AK9: variants seen among roughly 807,000 people sequenced by gnomAD.
The protein encoded by AK9 is adenylate kinase domain containing 1.
A neutral mutation model predicts 239.6 loss-of-function variants in AK9; 191 were observed. The ratio of observed to expected loss-of-function variants is 0.80; its 90% confidence interval spans 0.71 to 0.90. The LOEUF (loss-of-function observed/expected upper bound fraction) is 0.90, where lower values mean the gene tolerates loss of function less well. Among genes scored for constraint, AK9 ranks in the 40% least tolerant of loss-of-function variants. The pLI is 0.00. For missense variants in AK9, 1,995 were observed against 2,214.7 expected, an observed-to-expected ratio of 0.90 and a Z score of 1.99; for synonymous variants, 689 against 721.0, an observed-to-expected ratio of 0.96 and a Z score of 0.71.
Position 109,579,585 on chromosome 6 carries a change from C to A in AK9, c.2156G>T (p.Arg719Leu), listed in dbSNP as rs552477090. ...CACTTTCATAAGTTCCAGTAGCCTTCGATTTTCTTCTTCGAGTCTCAATTC... is the reference window on the plus strand; with the variant it reads ...CACTTTCATAAGTTCCAGTAGCCTTAGATTTTCTTCTTCGAGTCTCAATTC... ...EEELRLEEEN[R>L]RLLELMKVKA... The change falls in exon 20 of 41, where the codon CGA becomes CTA. Residue 719 changes from arginine (R) to leucine (L), a missense_variant. By Grantham distance (102) the Arg-to-Leu change is moderately radical. Around this residue, in one of 5 missense-constraint regions of AK9, gnomAD observed 1,290 missense variants for 1,392.7 expected, o/e 0.93. Coordinates refer to ENST00000424296, the MANE Select transcript of AK9 (RefSeq NM_001145128.3). 211 of 1,551,322 alleles carry A rather than the reference C, an allele frequency of 1.4e-4. 2 individuals carry two copies. In the South Asian group the frequency reaches 2.4e-3, roughly 18 times the overall value.
chr6:109,542,231 T>C lies in AK9; in HGVS notation c.3226-60A>G, dbSNP rs1782991529. 2.0e-5 allele frequency: 29 copies of C among 1,454,284 alleles called. No individual in the cohort carries two copies. In the South Asian group the frequency reaches 3.9e-4, roughly 19 times the overall value. 90.1% of individuals were successfully genotyped at this position (1,454,284 alleles called of 1,614,324 possible). On this transcript the variant is annotated intron_variant, in intron 26 of 40. Coordinates refer to ENST00000424296, the MANE Select transcript of AK9 (RefSeq NM_001145128.3). ...AAAACTCTATGCTAATAATTGCATGTTCTCACTCATATGTGAAAGTTAAAG... is the reference window on the plus strand; with the variant it reads ...AAAACTCTATGCTAATAATTGCATGCTCTCACTCATATGTGAAAGTTAAAG...
chr6:109,672,234 T>A (rs1771024700), intron 3 of AK9, 67 bp from the exon 4 acceptor site: 1 of 1,318,936 alleles, frequency 7.6e-7, no homozygotes, highest in Admixed American at 1.9e-5. Context: ...AAACACATTC[T>A]AGTGTCTTGT....
chr6:109,580,807 C>G (rs1320908384), intron 19 of AK9, among the ~76,000 whole-genome samples: 3 of 152,220 alleles, frequency 2.0e-5, no homozygotes, highest in Non-Finnish European at 4.4e-5. Flanking sequence ...TGTTTCTGAA[C>G]TCCTTTCCCA....
chr6:109,648,530 G>A (rs1242907900), intron 8 of AK9, among the ~76,000 whole-genome samples: 3 of 152,068 alleles, frequency 2.0e-5, no homozygotes, highest in Non-Finnish European at 4.4e-5. Context: ...ACCCTCCCAA[G>A]ACTAAACCAG....
rs1224110961 is a variant in AK9 at position 109,622,591 on chromosome 6, TA to T, written c.1255-3356del. 3.7e-4 allele frequency among the ~76,000 whole-genome samples: 55 copies of T among 146,732 alleles called. 1 individual carries two copies. The highest frequency in any genetic ancestry group is 1.3e-3 in the African/African-American group (53 of 40,392). ...TTAATATAATATATGCATAGTATGC[TA>T]TATATGTATATATGTGTATTATAGA... On this transcript the variant is annotated intron_variant, in intron 12 of 40. Transcript: ENST00000424296.
chr6:109,526,288 C>T (rs1780509785), intron 29 of AK9, among the ~76,000 whole-genome samples: 2 of 150,920 alleles, frequency 1.3e-5, no homozygotes, highest in South Asian at 4.2e-4. Context: ...ACCTAAAATA[C>T]AAATTGAAAA....
intron 17 of AK9, 119 bp from the exon 18 acceptor site, chr6:109,586,191 A>T (rs776482181): frequency 1.1e-5 from 10 of 896,010 alleles, no homozygotes; most frequent in Non-Finnish European, 1.6e-5. Flanking sequence ...TTCAAAAGGA[A>T]AAAAAAGGGT....
chr6:109,538,356 G>T (rs1310810075), intron 27 of AK9, among the ~76,000 whole-genome samples: 1 of 152,192 alleles, frequency 6.6e-6, no homozygotes, highest in Non-Finnish European at 1.5e-5. Flanking sequence ...TTACCATTAT[G>T]TAATGGCCTT....
intron 37 of AK9, 51 bp from the exon 38 acceptor site, chr6:109,497,614 G>T: frequency 1.5e-6 from 2 of 1,373,530 alleles, no homozygotes; most frequent in Non-Finnish European, 2.0e-6. Flanking sequence ...TTAATATGCA[G>T]TCCTGTGTAA....
chr6:109,648,339 G>A (rs189664353), intron 8 of AK9, among the ~76,000 whole-genome samples: 12 of 151,968 alleles, frequency 7.9e-5, no homozygotes, highest in Admixed American at 4.6e-4. Context: ...TTGATAGAAC[G>A]CTAGCAAGAC....
chr6:109,627,133 C>CTTTTTTTTTTTT (rs71018357), intron 12 of AK9, among the ~76,000 whole-genome samples: 2 of 67,308 alleles, frequency 3.0e-5, no homozygotes, highest in Non-Finnish European at 2.7e-5. Context: ...GATGTTTAAG[C>CTTTTTTTTTTTT]TTTTTTTTTT....
chr6:109,599,743 T>C (rs1268900308), intron 17 of AK9, among the ~76,000 whole-genome samples: 1 of 152,230 alleles, frequency 6.6e-6, no homozygotes, highest in Non-Finnish European at 1.5e-5. Context: ...TATCCCCTTT[T>C]ATTTCCTTGA....
chr6:109,658,155 T>C (rs1799952065), intron 7 of AK9, among the ~76,000 whole-genome samples: 1 of 152,210 alleles, frequency 6.6e-6, no homozygotes, highest in African/African-American at 2.4e-5. Context: ...ATATGGCTAA[T>C]ATTTTCCCTT....
intron 13 of AK9, among the ~76,000 whole-genome samples, chr6:109,618,013 A>G (rs984206261): frequency 1.1e-4 from 16 of 152,226 alleles, no homozygotes; most frequent in African/African-American, 3.9e-4. Context: ...CAATGCAGTT[A>G]GCATAGCTCC....
chr6:109,641,678 C>T, intron 9 of AK9, 62 bp from the exon 10 acceptor site: 1 of 1,423,890 alleles, frequency 7.0e-7, no homozygotes, highest in Non-Finnish European at 9.8e-7. Flanking sequence ...TACTCTGAAA[C>T]AGTGGTGGGC....
chr6:109,495,523 G>T, intron 38 of AK9, 83 bp from the exon 39 acceptor site: 1 of 994,442 alleles, frequency 1.0e-6, no homozygotes, highest in Middle Eastern at 2.2e-4. Flanking sequence ...ACTATTAGAA[G>T]ATAAAGTTCA....
At chr6:109,596,307 A>T (rs1791023514) in intron 17 of AK9, among the ~76,000 whole-genome samples, 1 of 152,220 alleles carries the variant, frequency 6.6e-6, no homozygotes, top group South Asian at 2.1e-4. Context: ...GGCAGGCACC[A>T]GCACCAGCTC....
In AK9 at chr6:109,497,961, A is replaced by G. The variant is rs1777241474; in HGVS notation, c.5051T>C (p.Phe1684Ser). Residue 1684 changes from phenylalanine (F) to serine (S), a missense_variant, in exon 37 of 41, where the codon TTC (phenylalanine) becomes TCC (serine). Phe to Ser is a radical substitution (Grantham distance 155). Transcript: ENST00000424296. ...KMSSQEKLNK[F>S]LENPELYVPP... ...CACGTACAATTCTGGGTTCTCCAAG[A>G]ATTTCTATTAAAAAAGAATTCCAGT... The G allele has an allele frequency of 6.2e-7, 1 of 1,612,806 alleles. No homozygotes were observed. Among genetic ancestry groups the G allele is most frequent in the Non-Finnish European group, 8.5e-7 (1 of 1,178,966 alleles).
chr6:109,597,911 A>G (rs892050016), intron 17 of AK9, among the ~76,000 whole-genome samples: 1 of 152,132 alleles, frequency 6.6e-6, no homozygotes, highest in African/African-American at 2.4e-5. Flanking sequence ...TTTTCAATGA[A>G]CCATTTGTAT....
Sources: allele counts gnomAD v4.1 joint callset (sites outside exome capture counted in the v4.1 genomes callset), GRCh38; gene constraint gnomAD v4.1.1; regional missense constraint gnomAD v4.1.1; transcripts MANE v1.5; gene names NCBI Gene and HGNC (gene_info 2026-07-23, HGNC 2026-07-21).